The following PRKG1 variants were observed in gnomAD, a reference collection of about 807,000 sequenced individuals.
PRKG1 encodes cGMP-dependent protein kinase 1.
PRKG1 carries 35 observed loss-of-function variants against 88.1 expected under a neutral mutation model. The ratio of observed to expected loss-of-function variants is 0.40; its 90% CI spans 0.30 to 0.53. PRKG1 has a LOEUF of 0.53. PRKG1 is among the 20% of genes least tolerant of loss of function. PRKG1 has a pLI of 0.59. For synonymous variants in PRKG1, 303 were observed against 292.5 expected, an observed-to-expected ratio of 1.04 and a Z score of -0.37; for missense variants, 540 against 839.8, an observed-to-expected ratio of 0.64 and a Z score of 4.41.
intron 3 of PRKG1, among the ~76,000 whole-genome samples, chr10:51,582,215 T>C (rs1239285527): frequency 6.6e-6 from 1 of 152,192 alleles, no homozygotes; most frequent in Non-Finnish European, 1.5e-5. Flanking sequence ...TATAATATTC[T>C]CTTCTCTGAG....
intron 9 of PRKG1, among the ~76,000 whole-genome samples, chr10:52,209,297 C>T (rs1405083456): frequency 6.6e-6 from 1 of 152,100 alleles, no homozygotes; most frequent in Non-Finnish European, 1.5e-5. Context: ...TTTATGGAGC[C>T]TGAGACCTGA....
At chr10:51,228,094 G>A (rs968532268) in intron 2 of PRKG1, among the ~76,000 whole-genome samples, 9 of 152,088 alleles carry the variant, frequency 5.9e-5, no homozygotes, top group African/African-American at 1.9e-4. Flanking sequence ...GAGGCTTCAC[G>A]GTACCAGGTG....
intron 5 of PRKG1, among the ~76,000 whole-genome samples, chr10:51,948,323 T>C (rs1843102691): frequency 6.6e-6 from 1 of 152,208 alleles, no homozygotes; most frequent in African/African-American, 2.4e-5. Context: ...ATATATATAC[T>C]GTTTATTTTT....
chr10:52,244,156 T>G (rs1241625479), intron 9 of PRKG1, among the ~76,000 whole-genome samples: 1 of 152,104 alleles, frequency 6.6e-6, no homozygotes, highest in East Asian at 1.9e-4. Context: ...AAGAATACAT[T>G]AGAAATTGGC....
chr10:51,486,319 A>G (rs372155518), intron 3 of PRKG1, among the ~76,000 whole-genome samples: 1 of 152,064 alleles, frequency 6.6e-6, no homozygotes, highest in South Asian at 2.1e-4. Flanking sequence ...GATTCATCAT[A>G]TAAGTTGTAT....
At chr10:52,157,310 T>TATATATAC (rs1838141373) in intron 8 of PRKG1, among the ~76,000 whole-genome samples, 1 of 43,136 alleles carries the variant, frequency 2.3e-5, no homozygotes, top group African/African-American at 1.2e-4. Context: ...TTAGTTGATA[T>TATATATAC]ATATATATAT....
chr10:51,286,983 T>C (rs1840457509), intron 2 of PRKG1, among the ~76,000 whole-genome samples: 1 of 152,190 alleles, frequency 6.6e-6, no homozygotes, highest in Non-Finnish European at 1.5e-5. Context: ...TTTAAAGTGA[T>C]CCTCCCACCT....
At chr10:52,248,261 G>C (rs75665112) in intron 9 of PRKG1, among the ~76,000 whole-genome samples, 7 of 152,154 alleles carry the variant, frequency 4.6e-5, no homozygotes, top group Non-Finnish European at 7.4e-5. Context: ...GCCAGTCTTC[G>C]GGCCAGTTTA....
At chr10:51,259,192 G>T (rs769752003) in intron 2 of PRKG1, among the ~76,000 whole-genome samples, 1 of 152,082 alleles carries the variant, frequency 6.6e-6, no homozygotes, top group East Asian at 1.9e-4. Context: ...ACACATATAC[G>T]TATATGCATA....
intron 3 of PRKG1, among the ~76,000 whole-genome samples, chr10:51,501,790 C>CTTTTTTTTTT (rs5784871): frequency 9.8e-4 from 112 of 113,716 alleles, no homozygotes; most frequent in East Asian, 2.5e-3. Flanking sequence ...ACTTTAGTTT[C>CTTTTTTTTTT]TTTTTTTTTT....
intron 8 of PRKG1, among the ~76,000 whole-genome samples, chr10:52,148,766 G>C (rs889861708): frequency 6.6e-6 from 1 of 152,020 alleles, no homozygotes; most frequent in Non-Finnish European, 1.5e-5. Flanking sequence ...GATGGGACCT[G>C]GAAAGAGACC....
chr10:52,017,390 G>A (rs145103947), intron 5 of PRKG1, among the ~76,000 whole-genome samples: 42 of 152,264 alleles, frequency 2.8e-4, no homozygotes, highest in African/African-American at 9.9e-4. Flanking sequence ...ATGAGGAGTG[G>A]TTGGATTAGA....
At chr10:52,166,793 A>ATATATATATATATG (rs1489545159) in intron 9 of PRKG1, among the ~76,000 whole-genome samples, 1,115 of 8,366 alleles carry the variant, frequency 0.13, 37 homozygotes, top group Non-Finnish European at 0.45. Context: ...AAGCCTATAT[A>ATATATATATATATG]TATACATATA....
intron 7 of PRKG1, among the ~76,000 whole-genome samples, chr10:52,084,135 G>T (rs1846850911): frequency 6.6e-6 from 1 of 151,960 alleles, no homozygotes; most frequent in Non-Finnish European, 1.5e-5. Context: ...TTTACAAGGA[G>T]TTCATTAGAA....
At chr10:51,667,597 C>T (rs547946936) in intron 3 of PRKG1, among the ~76,000 whole-genome samples, 9 of 152,156 alleles carry the variant, frequency 5.9e-5, no homozygotes, top group Admixed American at 3.9e-4. Flanking sequence ...TAAAGGGTTC[C>T]GGGGACTATA....
At chr10:51,309,102 G>C (rs911391340) in intron 2 of PRKG1, among the ~76,000 whole-genome samples, 1 of 152,146 alleles carries the variant, frequency 6.6e-6, no homozygotes, top group African/African-American at 2.4e-5. Flanking sequence ...TCTTCTGGCA[G>C]GTATGAACAG....
intron 3 of PRKG1, among the ~76,000 whole-genome samples, chr10:51,724,869 C>CTTTTTTTTTTTTTTTTTTTTTTTTTAT: frequency 9.0e-6 from 1 of 110,782 alleles, no homozygotes; most frequent in Non-Finnish European, 1.8e-5. Context: ...AATTTTTGTA[C>CTTTTTTTTTTTTTTTTTTTTTTTTTAT]TTTTTTTTTT....
At chr10:51,811,526 T>A (rs1334661314) in intron 4 of PRKG1, among the ~76,000 whole-genome samples, 1 of 152,176 alleles carries the variant, frequency 6.6e-6, no homozygotes, top group African/African-American at 2.4e-5. Context: ...TGTGAAAGTT[T>A]CTTCATTCTA....
At chr10:51,208,711 G>C (rs1328356301) in intron 2 of PRKG1, among the ~76,000 whole-genome samples, 2 of 152,146 alleles carry the variant, frequency 1.3e-5, no homozygotes, top group African/African-American at 4.8e-5. Context: ...GAAGGTCCTG[G>C]AGCTGGGCCA....
Sources: gnomAD v4.1 joint callset for allele counts (sites outside exome capture counted in the v4.1 genomes callset) on GRCh38, gnomAD v4.1.1 for gene constraint, MANE v1.5 for transcripts, NCBI Gene and HGNC (gene_info 2026-07-23, HGNC 2026-07-21) for gene names.